LGR5: variants seen among roughly 807,000 people sequenced by gnomAD.
LGR5 encodes the protein leucine-rich repeat-containing G protein-coupled receptor 5.
In LGR5, 54 loss-of-function variants were observed where a neutral mutation model predicts 76.7. That is an observed-to-expected ratio of 0.70 (90% CI 0.57 to 0.88). The LOEUF is 0.88. Among genes scored for constraint, LGR5 ranks in the 40% least tolerant of loss-of-function variants. The probability of loss-of-function intolerance (pLI) is 0.00; values close to 1 mark genes in which losing one functional copy is unlikely to be tolerated. For synonymous variants in LGR5, 406 were observed against 421.9 expected (o/e 0.96, Z 0.46); for missense variants, 1,078 against 1,073.3 (o/e 1.00, Z -0.06).
chr12:71,443,722 T>G (rs1871865240), intron 1 of LGR5, among the ~76,000 whole-genome samples: 1 of 152,188 alleles, frequency 6.6e-6, no homozygotes, highest in Non-Finnish European at 1.5e-5. Context: ...GTCTAGTTAG[T>G]GTGACATTCA....
rs552758474 is a variant in LGR5 at position 71,484,789 on chromosome 12, A to C, written c.213-19825A>C. Among the ~76,000 whole-genome samples the C allele has an allele frequency of 2.6e-5, 4 of 152,310 alleles. No homozygotes were observed. In the South Asian group the frequency reaches 6.2e-4, roughly 24 times the overall value. Reference sequence around the variant, plus strand: ...ATCTACATCTATCATTTTGTTGTTGACATAATATAAATAGGGCAGAGGAAT... The same window carrying C: ...ATCTACATCTATCATTTTGTTGTTGCCATAATATAAATAGGGCAGAGGAAT... On this transcript the variant is annotated intron_variant, in intron 1 of 17. Coordinates refer to ENST00000266674, the MANE Select transcript of LGR5 (RefSeq NM_003667.4).
intron 1 of LGR5, among the ~76,000 whole-genome samples, chr12:71,467,706 G>T (rs1565665490): frequency 6.6e-6 from 1 of 152,200 alleles, no homozygotes; most frequent in African/African-American, 2.4e-5. Context: ...GATTTGGCAG[G>T]TTGCATGCAA....
intron 11 of LGR5, chr12:71,567,242 T>A (rs938504741): frequency 7.1e-6 from 2 of 283,482 alleles, no homozygotes; most frequent in African/African-American, 4.3e-5. Flanking sequence ...CAAAATAACA[T>A]AATGGATCAA....
chr12:71,521,698 A>T (rs1875735565), intron 2 of LGR5, among the ~76,000 whole-genome samples: 1 of 152,164 alleles, frequency 6.6e-6, no homozygotes, highest in Non-Finnish European at 1.5e-5. Context: ...CTACAAGGGG[A>T]GAATGGATAC....
At chr12:71,484,353 A>G (rs2137266302) in intron 1 of LGR5, among the ~76,000 whole-genome samples, 1 of 152,348 alleles carries the variant, frequency 6.6e-6, no homozygotes, top group African/African-American at 2.4e-5. Flanking sequence ...TGAGATATGT[A>G]GAACTGTTAT....
At chr12:71,461,166 T>G (rs986866326) in intron 1 of LGR5, among the ~76,000 whole-genome samples, 3 of 152,188 alleles carry the variant, frequency 2.0e-5, no homozygotes, top group Non-Finnish European at 4.4e-5. Context: ...GTGTCTGCCC[T>G]GCCCCCTTCC....
chr12:71,543,068 C>T (rs997404082), intron 4 of LGR5, among the ~76,000 whole-genome samples: 3 of 152,086 alleles, frequency 2.0e-5, no homozygotes, highest in Admixed American at 6.6e-5. Context: ...CTAGGACATA[C>T]GTATCAGACT....
chr12:71,577,296 T>C (rs1048955444), intron 13 of LGR5, among the ~76,000 whole-genome samples: 3 of 152,228 alleles, frequency 2.0e-5, no homozygotes, highest in Admixed American at 6.5e-5. Context: ...TACTTAATTA[T>C]CTGCAGTTCA....
chr12:71,496,312 A>C (rs1453708332), intron 1 of LGR5, among the ~76,000 whole-genome samples: 1 of 144,752 alleles, frequency 6.9e-6, no homozygotes, highest in African/African-American at 2.6e-5. Context: ...TGGAGGTTGC[A>C]GTGAGCTGAG....
intron 1 of LGR5, among the ~76,000 whole-genome samples, chr12:71,497,920 C>T (rs1183303334): frequency 6.6e-6 from 1 of 152,182 alleles, no homozygotes; most frequent in African/African-American, 2.4e-5. Flanking sequence ...CAAATCTCAA[C>T]TATGGCTGAA....
At chr12:71,552,928 G>C (rs1877562815) in intron 4 of LGR5, 145 bp from the exon 5 acceptor site, 1 of 643,222 alleles carries the variant, frequency 1.6e-6, no homozygotes, top group Non-Finnish European at 2.7e-6. Flanking sequence ...ATCTGGAGAG[G>C]AAAATGCTCC....
At chr12:71,523,584 A>G (rs980249212) in intron 2 of LGR5, among the ~76,000 whole-genome samples, 9 of 152,188 alleles carry the variant, frequency 5.9e-5, no homozygotes, top group Non-Finnish European at 1.3e-4. Flanking sequence ...TGCTCTTTGG[A>G]GTCACATTGT....
chr12:71,573,537 A>T lies in LGR5; in HGVS notation c.1208+616A>T, dbSNP rs552676914. Reference sequence around the variant, plus strand: ...GAAATGTTATATATTAAATTTTTTTAAAAAACTTACTAGCAGATTGTTTTA... The same window carrying T: ...GAAATGTTATATATTAAATTTTTTTTAAAAACTTACTAGCAGATTGTTTTA... On this transcript the variant is annotated intron_variant, in intron 13 of 17. Coordinates refer to ENST00000266674, the MANE Select transcript of LGR5 (RefSeq NM_003667.4). Among the ~76,000 whole-genome samples, 119 of 148,528 alleles carry T rather than the reference A, an allele frequency of 8.0e-4. 1 individual carries two copies. The highest frequency in any genetic ancestry group is 3.0e-3 in the African/African-American group (112 of 37,938).
At chr12:71,473,486 T>A (rs757397549) in intron 1 of LGR5, among the ~76,000 whole-genome samples, 22 of 151,702 alleles carry the variant, frequency 1.5e-4, no homozygotes, top group Non-Finnish European at 2.9e-4. Flanking sequence ...TTAAAAAAAA[T>A]TTTAAGTCGG....
intron 13 of LGR5, among the ~76,000 whole-genome samples, chr12:71,577,004 A>G (rs1878884338): frequency 6.6e-6 from 1 of 152,196 alleles, no homozygotes; most frequent in Non-Finnish European, 1.5e-5. Flanking sequence ...AGTTTCCTCC[A>G]GGAAAGGAGG....
chr12:71,529,578 G>A (rs1876196788), intron 3 of LGR5, among the ~76,000 whole-genome samples: 2 of 152,112 alleles, frequency 1.3e-5, no homozygotes, highest in Admixed American at 1.3e-4. Context: ...TATCCATCTA[G>A]ATCTCTACTC....
At chr12:71,542,226 G>T (rs1171016318) in intron 4 of LGR5, among the ~76,000 whole-genome samples, 1 of 152,190 alleles carries the variant, frequency 6.6e-6, no homozygotes, top group Non-Finnish European at 1.5e-5. Flanking sequence ...AGTAAGGATT[G>T]ATTAGACAAA....
intron 4 of LGR5, among the ~76,000 whole-genome samples, chr12:71,548,515 A>T (rs1043334909): frequency 7.9e-5 from 12 of 152,172 alleles, no homozygotes; most frequent in African/African-American, 2.9e-4. Context: ...GCTTAAGCAA[A>T]ATTTGAATTT....
rs1879205765 is a variant in LGR5, at chr12:71,584,002, C to T, written c.1992C>T (p.Phe664=). 6.2e-7 allele frequency: 1 copy of T among 1,614,052 alleles called. No homozygotes were observed. The highest frequency in any genetic ancestry group is 1.3e-5 in the African/African-American group (1 of 74,908). ...LLTLAALERG[F]SVKYSAKFET... ...CTCTGGCAGCCCTGGAGCGTGGGTT[C>T]TCTGTGAAATATTCTGCAAAATTTG... is the stretch of plus-strand genomic sequence containing the variant. Residue 664 remains phenylalanine (F), a synonymous_variant, in exon 18 of 18, where the codon TTC becomes TTT. Coordinates refer to ENST00000266674, the MANE Select transcript of LGR5 (RefSeq NM_003667.4).
Sources: allele counts gnomAD v4.1 joint callset (sites outside exome capture counted in the v4.1 genomes callset), GRCh38; gene constraint gnomAD v4.1.1; transcripts MANE v1.5; gene names NCBI Gene and HGNC (gene_info 2026-07-23, HGNC 2026-07-21).